SOD2: variants seen among roughly 807,000 people sequenced by gnomAD.
The protein encoded by SOD2 is superoxide dismutase [Mn], mitochondrial.
Under a neutral mutation model 27.0 loss-of-function variants are expected in SOD2, and 11 were observed. The ratio of observed to expected loss-of-function variants is 0.41; its 90% CI spans 0.26 to 0.67. The LOEUF (loss-of-function observed/expected upper bound fraction) is 0.67, where lower values mean the gene tolerates loss of function less well. Among genes scored for constraint, SOD2 ranks in the 30% least tolerant of loss-of-function variants. SOD2 has a pLI of 0.34. For missense variants in SOD2, 250 were observed against 274.5 expected, an observed-to-expected ratio of 0.91 and a Z score of 0.63; for synonymous variants, 105 against 103.0, an observed-to-expected ratio of 1.02 and a Z score of -0.12.
exon 1 of SOD2, chr6:159,761,434 C>A: frequency 2.3e-6 from 1 of 439,702 alleles, no homozygotes; most frequent in Admixed American, 2.6e-5. Flanking sequence ...CCGTTCACAG[C>A]CAGAGTTGAT....
At chr6:159,712,406 CTCT>C (rs1777826818) in intron 1 of SOD2, among the ~76,000 whole-genome samples, 1 of 99,534 alleles carries the variant, frequency 1.0e-5, no homozygotes, top group Non-Finnish European at 2.3e-5. Flanking sequence ...ACTCACACTG[CTCT>C]GATCACCATA....
intron 1 of SOD2, chr6:159,712,762 A>G (rs576847968): frequency 6.2e-6 from 3 of 483,978 alleles, no homozygotes. Context: ...AACCACCTCC[A>G]CAACCACCAC....
chr6:159,725,098 TC>T (rs902150086), intron 1 of SOD2, among the ~76,000 whole-genome samples: 2 of 152,182 alleles, frequency 1.3e-5, no homozygotes, highest in African/African-American at 4.8e-5. Flanking sequence ...CTGTATATGC[TC>T]GCAGAAGGTC....
rs1412309092 is a variant in SOD2, at chr6:159,680,982, A to C, written c.*1511T>G. 6.6e-6 allele frequency: 1 copy of C among 151,920 alleles called. No homozygotes were observed. Among genetic ancestry groups the C allele is most frequent in the Non-Finnish European group, 1.5e-5 (1 of 68,006 alleles). 9.4% of individuals were successfully genotyped at this position (151,920 alleles called of 1,614,324 possible). On this transcript the variant is annotated 3_prime_UTR_variant, in exon 5 of 5. Coordinates refer to ENST00000538183, the MANE Select transcript of SOD2 (RefSeq NM_000636.4). Reference sequence around the variant, plus strand: ...AACGCCTATATAAAGAAAATATTCCAATAGGAGATAAACCTATGTACACAG... The same window carrying C: ...AACGCCTATATAAAGAAAATATTCCCATAGGAGATAAACCTATGTACACAG...
intron 1 of SOD2, among the ~76,000 whole-genome samples, chr6:159,709,956 T>C (rs1008326273): frequency 1.3e-5 from 2 of 152,064 alleles, no homozygotes; most frequent in African/African-American, 2.4e-5. Context: ...GATGAGTTCA[T>C]GTCCTTTGTA....
intron 1 of SOD2, among the ~76,000 whole-genome samples, chr6:159,709,424 AAAAC>A (rs1247030516): frequency 3.3e-5 from 5 of 152,218 alleles, no homozygotes; most frequent in East Asian, 1.9e-4. Context: ...TTACAAGAAA[AAAAC>A]AAACAACCCC....
At chr6:159,755,561 G>T in intron 1 of SOD2, 2 of 1,614,048 alleles carry the variant, frequency 1.2e-6, no homozygotes, top group Non-Finnish European at 1.7e-6. Context: ...TTCCCGCCAC[G>T]TTCAGAATGG....
rs1047426562 is a variant in SOD2, at chr6:159,685,031, C to G, written c.346G>C (p.Glu116Gln). The change falls in exon 4 of 5, where the codon GAG (glutamate) becomes CAG (glutamine). Residue 116 changes from glutamate (E) to glutamine (Q), a missense_variant and splice_region_variant. Physicochemically the swap from Glu to Gln is conservative, Grantham distance 29. Coordinates refer to ENST00000538183, the MANE Select transcript of SOD2 (RefSeq NM_000636.4). The stretch of plus-strand genomic sequence containing the variant: ...TCACGTTTGATGGCTTCCAGCAACT[C>G]CCCTATTAAAAAAAAAATCCAAAAC... ...SPNGGGEPKGELLEAIKRDFG... is the reference protein window; with the variant it reads ...SPNGGGEPKGQLLEAIKRDFG... The G allele has an allele frequency of 5.4e-5, 86 of 1,580,438 alleles. No homozygotes were observed. Among genetic ancestry groups the G allele is most frequent in the Non-Finnish European group, 7.1e-5 (83 of 1,167,814 alleles).
intron 1 of SOD2, among the ~76,000 whole-genome samples, chr6:159,740,809 C>G (rs1779212717): frequency 1.3e-5 from 2 of 151,098 alleles, no homozygotes; most frequent in African/African-American, 4.9e-5. Context: ...TCAAGCGGTT[C>G]TCCTGCCTCA....
intron 1 of SOD2, among the ~76,000 whole-genome samples, chr6:159,735,920 A>C (rs1022449839): frequency 4.6e-5 from 7 of 152,104 alleles, no homozygotes; most frequent in African/African-American, 1.7e-4. Flanking sequence ...ATACTACTTG[A>C]GGTCATTATA....
intron 1 of SOD2, chr6:159,736,325 T>C: frequency 2.5e-6 from 4 of 1,586,264 alleles, no homozygotes; most frequent in Non-Finnish European, 3.4e-6. Context: ...GTTTTTTTGT[T>C]TTGTTTTGGG....
At chr6:159,694,353 A>C (rs576458018), upstream of SOD2, among the ~76,000 whole-genome samples, 2 of 152,310 alleles carry the variant, frequency 1.3e-5, no homozygotes, top group African/African-American at 2.4e-5. Flanking sequence ...GGAAGGTAGC[A>C]GGTGCTGAAC....
upstream of SOD2, among the ~76,000 whole-genome samples, chr6:159,729,181 C>T (rs1414010147): frequency 1.3e-5 from 2 of 152,258 alleles, no homozygotes; most frequent in East Asian, 1.9e-4. Context: ...AGTATTGAAT[C>T]CCCTTGAATA....
chr6:159,719,457 G>GGTGGGAAAATC (rs1456253154), intron 1 of SOD2, among the ~76,000 whole-genome samples: 2 of 152,060 alleles, frequency 1.3e-5, no homozygotes, highest in Admixed American at 1.3e-4. Flanking sequence ...GAACCAAGGA[G>GGTGGGAAAATC]GCGGAGGTTG....
chr6:159,713,322 C>A, intron 1 of SOD2: 1 of 657,326 alleles, frequency 1.5e-6, no homozygotes, highest in Non-Finnish European at 2.8e-6. Flanking sequence ...TCAAACCCAG[C>A]TCCTCTGCCA....
Position 159,676,640 on chromosome 6 carries a change from T to G in SOD2, c.*5853A>C, listed in dbSNP as rs1779787421. On this transcript the variant is annotated 3_prime_UTR_variant, in exon 5 of 5. Transcript: ENST00000538183. ...GAGGGATAGCATTAGGAGATATACC[T>G]AATGTAAATGACGAGTTAATAGGTG... 1 of 152,084 alleles carries G rather than the reference T, an allele frequency of 6.6e-6. No homozygotes were observed. The highest frequency in any genetic ancestry group is 1.5e-5 in the Non-Finnish European group (1 of 68,022). 9.4% of individuals were successfully genotyped at this position (152,084 alleles called of 1,614,324 possible).
intron 1 of SOD2, chr6:159,743,538 A>G (rs1397512589): frequency 1.9e-5 from 18 of 930,088 alleles, no homozygotes; most frequent in Non-Finnish European, 2.8e-5. Flanking sequence ...TTCGCCTGTT[A>G]TAAAAGTAGT....
Position 159,712,026 on chromosome 6 carries a change from AC to A in SOD2, c.-116+15102del, listed in dbSNP as rs761161354. ...ATAACCACCTCCATAACCACCACTC[AC>A]ACTGCTCAGACCTCCATAACCACCT... On this transcript the variant is annotated intron_variant, in intron 1 of 2. Coordinates refer to the SOD2 transcript ENST00000401980. Among the ~76,000 whole-genome samples, 341 of 40,186 alleles carry A rather than the reference AC, an allele frequency of 8.5e-3. 17 individuals are homozygous for A. Among genetic ancestry groups the A allele is most frequent in the African/African-American group, 0.018 (197 of 11,122 alleles). 26.4% of individuals were successfully genotyped at this position (40,186 alleles called of 152,430 possible).
chr6:159,674,548 C>A lies in SOD2; in HGVS notation c.*7945G>T, dbSNP rs533642774. Reference sequence around the variant, plus strand: ...AAGGCCTTGGACAAAATTCAACAGCCCTTCATGCTAAAAACTCTCAATGAA... The same window carrying A: ...AAGGCCTTGGACAAAATTCAACAGCACTTCATGCTAAAAACTCTCAATGAA... On this transcript the variant is annotated 3_prime_UTR_variant, in exon 5 of 5. Coordinates refer to ENST00000538183, the MANE Select transcript of SOD2 (RefSeq NM_000636.4). 11 of 152,158 alleles carry A rather than the reference C, an allele frequency of 7.2e-5. No homozygotes were observed. The highest frequency in any genetic ancestry group is 5.2e-4 in the Admixed American group (8 of 15,268). The allele number at this position is 152,158 out of a possible 1,614,324, so 9.4% of individuals were successfully genotyped here.
Sources: allele counts gnomAD v4.1 joint callset (sites outside exome capture counted in the v4.1 genomes callset), GRCh38; gene constraint gnomAD v4.1.1; transcripts MANE v1.5; gene names NCBI Gene and HGNC (gene_info 2026-07-23, HGNC 2026-07-21).